KMT2D: variants seen among roughly 807,000 people sequenced by gnomAD.
KMT2D encodes histone-lysine N-methyltransferase 2D.
Under a neutral mutation model 512.7 loss-of-function variants are expected in KMT2D, and 55 were observed. The observed-to-expected ratio is 0.11, with a 90% CI of 0.09 to 0.13. KMT2D has a LOEUF of 0.13. Among genes scored for constraint, KMT2D ranks in the 10% least tolerant of loss-of-function variants. KMT2D has a pLI of 1.00. For synonymous variants in KMT2D, 2,995 were observed against 2,904.0 expected (o/e 1.03, Z -1.01); for missense variants, 6,061 against 7,127.9 (o/e 0.85, Z 5.39).
rs902517120 is a variant in KMT2D, at chr12:49,019,606, C to G, written c.*2174G>C. The G allele has an allele frequency of 4.4e-6, 1 of 229,738 alleles. No homozygotes were observed. The highest frequency in any genetic ancestry group is 8.6e-6 in the Non-Finnish European group (1 of 115,664). 14.2% of individuals were successfully genotyped at this position (229,738 alleles called of 1,614,324 possible). A position where few individuals can be genotyped will look rare whatever the true frequency, so the allele number is the denominator to read the frequency against. The stretch of plus-strand genomic sequence containing the variant: ...CCCAAGCCCCAAACACAGCCTGACT[C>G]ACGGGAGCCAATCTCCCCCTCCCTG... On this transcript the variant is annotated 3_prime_UTR_variant, in exon 55 of 55. Transcript: ENST00000301067.
At position 49,037,849 on chromosome 12, in the gene KMT2D, G is replaced by A; in HGVS notation, c.9507C>T (p.Gly3169=). The A allele has an allele frequency of 6.3e-7, 1 of 1,596,148 alleles. No homozygotes were observed. ...SMMGSRDTRM[G]TGPFSSSGHT... ...GCCCACTGCTAGAAAATGGCCCTGT[G>A]CCCATCCGGGTATCCCGGCTGCCCA... The change falls in exon 35 of 55, where the codon GGC becomes GGT. Residue 3169 remains glycine, a synonymous_variant. Coordinates refer to ENST00000301067, the MANE Select transcript of KMT2D (RefSeq NM_003482.4).
rs374923646 is a variant in KMT2D at position 49,051,460 on chromosome 12, C to A, written c.2223G>T (p.Pro741=). 1 of 1,612,800 alleles carries A rather than the reference C, an allele frequency of 6.2e-7. No individual in the cohort carries two copies. The highest frequency in any genetic ancestry group is 8.5e-7 in the Non-Finnish European group (1 of 1,179,498). Residue 741 remains proline (P), a synonymous_variant, in exon 11 of 55, where the codon CCG becomes CCT. Coordinates refer to ENST00000301067, the MANE Select transcript of KMT2D (RefSeq NM_003482.4). ...EPQLCPRSEG[P]HLSPRPEEPH... is the part of the protein sequence containing the mutation. Reference sequence around the variant, plus strand: ...GCTCCTCAGGCCGGGGTGACAGGTGCGGCCCCTCGGACCGGGGGCAGAGTT... The same window carrying A: ...GCTCCTCAGGCCGGGGTGACAGGTGAGGCCCCTCGGACCGGGGGCAGAGTT...
rs772023360 is a variant in KMT2D, at chr12:49,030,937, C to T, written c.13627G>A (p.Asp4543Asn). The change falls in exon 41 of 55, where the codon GAC (aspartate) becomes AAC (asparagine). Residue 4543 changes from aspartate (D) to asparagine (N), a missense_variant. Asp to Asn is a conservative substitution (Grantham distance 23). Coordinates refer to ENST00000301067, the MANE Select transcript of KMT2D (RefSeq NM_003482.4). ...AAGGCCTCGCTGGCCCTGACCCCGT[C>T]CTCCTTCCGCAGCTTCTTTCGGGAG... ...VSSRKKLRKE[D>N]GVRASEALLK... is the part of the protein sequence containing the mutation. 6.2e-7 allele frequency: 1 copy of T among 1,614,004 alleles called. No homozygotes were observed. Among genetic ancestry groups the T allele is most frequent in the South Asian group, 1.1e-5 (1 of 91,074 alleles).
chr12:49,032,024 C>T lies in KMT2D; in HGVS notation c.12681G>A (p.Met4227Ile). Residue 4227 changes from methionine to isoleucine, a missense_variant, in exon 40 of 55, where the codon ATG becomes ATA. Transcript: ENST00000301067. ...CCTGACTCTGCTGCAGCTGCCGCTG[C>T]ATGAGGAGTGCCTGTAGCTGCTGCT... ...QQQQQLQALL[M>I]QRQLQQSQAV... 1 of 1,611,072 alleles carries T rather than the reference C, an allele frequency of 6.2e-7. No individual in the cohort carries two copies. Among genetic ancestry groups the T allele is most frequent in the Non-Finnish European group, 8.5e-7 (1 of 1,177,992 alleles).
Position 49,050,275 on chromosome 12 carries a change from C to T in KMT2D, c.3313G>A (p.Ala1105Thr), listed in dbSNP as rs751231330. ...PSPMGDLSCP[A>T]PSPAPALDDF... ...TCCAGGGCTGGGGCAGGGCTGGGGG[C>T]GGGGCAGGAAAGGTCCCCCATTGGG... is the stretch of plus-strand genomic sequence containing the variant. The change falls in exon 12 of 55, where the codon GCC (alanine) becomes ACC (threonine). Residue 1105 changes from alanine to threonine, a missense_variant. Physicochemically the swap from Ala to Thr is moderately conservative, Grantham distance 58. Transcript: ENST00000301067. 1.2e-6 allele frequency: 2 copies of T among 1,610,904 alleles called. No individual in the cohort carries two copies. Among genetic ancestry groups the T allele is most frequent in the Non-Finnish European group, 8.5e-7 (1 of 1,178,594 alleles).
At position 49,049,105 on chromosome 12, in the gene KMT2D, T is replaced by G. The variant is rs376168954; in HGVS notation, c.4020A>C (p.Val1340=). The G allele has an allele frequency of 1.3e-6, 2 of 1,589,106 alleles. No homozygotes were observed. Among genetic ancestry groups the G allele is most frequent in the South Asian group, 1.1e-5 (1 of 89,612 alleles). Residue 1340 remains valine (V), a splice_region_variant and synonymous_variant, in exon 13 of 55, where the codon GTA becomes GTC. Transcript: ENST00000301067. Reference sequence around the variant, plus strand: ...GGAGGAATAGGAGGCATCTCCTTACTACCAGAGTCTCAATGGAAGAAGCAG... The same window carrying G: ...GGAGGAATAGGAGGCATCTCCTTACGACCAGAGTCTCAATGGAAGAAGCAG... The part of the protein sequence containing the change: ...KSTASSIETL[V]VADIDSSPSK...
At position 49,048,866 on chromosome 12, in the gene KMT2D, G is replaced by C. The variant is rs983460720; in HGVS notation, c.4021-97C>G. On this transcript the variant is annotated intron_variant, in intron 13 of 54. Coordinates refer to ENST00000301067, the MANE Select transcript of KMT2D (RefSeq NM_003482.4). ...TTGGGGGAAGAAAGTGTGAACCCTT[G>C]GTTAAGATGAAGGCCAAAAGCCAGG... The C allele has an allele frequency of 1.0e-5, 9 of 863,296 alleles. No individual in the cohort carries two copies. In the African/African-American group the frequency reaches 1.5e-4, roughly 14 times the overall value. 53.5% of individuals were successfully genotyped at this position (863,296 alleles called of 1,614,324 possible).
chr12:49,042,341 G>A lies in KMT2D; in HGVS notation c.5868-11C>T. On this transcript the variant is annotated splice_polypyrimidine_tract_variant and intron_variant, in intron 28 of 54. Coordinates refer to ENST00000301067, the MANE Select transcript of KMT2D (RefSeq NM_003482.4). The surrounding 1 kb of genome is among the most constrained non-coding windows in gnomAD (Gnocchi z 4.4). Reference sequence around the variant, plus strand: ...AAGCCCCCGCGCTCCCTGGGGCGCAGGGGCAGAGAGTCACAGGGCGCAGGG... The same window carrying A: ...AAGCCCCCGCGCTCCCTGGGGCGCAAGGGCAGAGAGTCACAGGGCGCAGGG... 6.6e-7 allele frequency: 1 copy of A among 1,515,370 alleles called. No homozygotes were observed. 93.9% of individuals were successfully genotyped at this position (1,515,370 alleles called of 1,614,324 possible). A position where few individuals can be genotyped will look rare whatever the true frequency, so the allele number is the denominator to read the frequency against.
At position 49,019,872 on chromosome 12, in the gene KMT2D, A is replaced by C; in HGVS notation, c.*1908T>G. 1 of 195,122 alleles carries C rather than the reference A, an allele frequency of 5.1e-6. No homozygotes were observed. Among genetic ancestry groups the C allele is most frequent in the Non-Finnish European group, 1.1e-5 (1 of 95,072 alleles). 12.1% of individuals were successfully genotyped at this position (195,122 alleles called of 1,614,324 possible). On this transcript the variant is annotated 3_prime_UTR_variant, in exon 55 of 55. Coordinates refer to ENST00000301067, the MANE Select transcript of KMT2D (RefSeq NM_003482.4). Reference sequence around the variant, plus strand: ...AAAACAAAACAAAAACAAACCTAAAATCACAACAGCGACCAAGCTCCCCCT... The same window carrying C: ...AAAACAAAACAAAAACAAACCTAAACTCACAACAGCGACCAAGCTCCCCCT...
chr12:49,027,715 A>G, intron 48 of KMT2D, 88 bp downstream of exon 48: 2 of 1,492,136 alleles, frequency 1.3e-6, no homozygotes, highest in Non-Finnish European at 1.8e-6. Context: ...TTGCCTCCCA[A>G]AGCACTGGGA....
Position 49,060,047 on chromosome 12 carries a change from G to A in KMT2D, c.-472C>T, listed in dbSNP as rs1433329564. Among the ~76,000 whole-genome samples, 1 of 151,538 alleles carries A rather than the reference G, an allele frequency of 6.6e-6. No homozygotes were observed. The highest frequency in any genetic ancestry group is 1.5e-5 in the Non-Finnish European group (1 of 67,788). On this transcript the variant is annotated 5_prime_UTR_variant, in exon 1 of 55. Coordinates refer to ENST00000301067, the MANE Select transcript of KMT2D (RefSeq NM_003482.4). ...GAGGCGCCTCCCCAGCAGCCCGGAA[G>A]GAATGCCGCGCCGCCCCGCGCCTGG... is the stretch of plus-strand genomic sequence containing the variant.
In KMT2D at chr12:49,051,918, G is replaced by C; in HGVS notation, c.1765C>G (p.Pro589Ala). ...SPMSPPPEES[P>A]MSPPPEASRL... The stretch of plus-strand genomic sequence containing the variant: ...GATGCCTCCGGTGGTGGAGACATGG[G>C]TGACTCTTCAGGTGGAGGGGACATG... Residue 589 changes from proline (P) to alanine (A), a missense_variant, in exon 11 of 55, where the codon CCC (proline) becomes GCC (alanine). Coordinates refer to ENST00000301067, the MANE Select transcript of KMT2D (RefSeq NM_003482.4). 1 of 1,613,518 alleles carries C rather than the reference G, an allele frequency of 6.2e-7. No individual in the cohort carries two copies. The highest frequency in any genetic ancestry group is 8.5e-7 in the Non-Finnish European group (1 of 1,179,716).
rs1942902086 is a variant in KMT2D, at chr12:49,031,377, G to A, written c.13328C>T (p.Pro4443Leu). The change falls in exon 40 of 55, where the codon CCA becomes CTA. Residue 4443 changes from proline (P) to leucine (L), a missense_variant. Physicochemically the swap from Pro to Leu is moderately conservative, Grantham distance 98 (BLOSUM62 -3). Transcript: ENST00000301067. The part of the protein sequence containing the change: ...REANGEPIGA[P>L]GTSNHLLLAG... Reference sequence around the variant, plus strand: ...CAGCAGGAGGTGGTTGCTGGTTCCTGGTGCCCCTATTGGCTCCCCATTGGC... The same window carrying A: ...CAGCAGGAGGTGGTTGCTGGTTCCTAGTGCCCCTATTGGCTCCCCATTGGC... 1.2e-6 allele frequency: 2 copies of A among 1,613,450 alleles called. No homozygotes were observed. The highest frequency in any genetic ancestry group is 3.3e-5 in the Admixed American group (2 of 60,006).
Position 49,025,907 on chromosome 12 carries a change from G to T in KMT2D, c.15784+275C>A, listed in dbSNP as rs114640737. 0.013 allele frequency among the ~76,000 whole-genome samples: 2,016 copies of T among 152,316 alleles called. 39 individuals are homozygous for T. The highest frequency in any genetic ancestry group is 0.046 in the African/African-American group (1,899 of 41,554). Reference sequence around the variant, plus strand: ...TTGGGTGAGGCAGATGATAGTCTCAGAACTGTTTCCTTTTGTTCCACTGGG... The same window carrying T: ...TTGGGTGAGGCAGATGATAGTCTCATAACTGTTTCCTTTTGTTCCACTGGG... On this transcript the variant is annotated intron_variant, in intron 49 of 54. Coordinates refer to ENST00000301067, the MANE Select transcript of KMT2D (RefSeq NM_003482.4).
chr12:49,043,254 G>T, intron 25 of KMT2D, 68 bp from the exon 26 acceptor site: 2 of 1,548,376 alleles, frequency 1.3e-6, no homozygotes, highest in East Asian at 2.2e-5. Flanking sequence ...AACCACAGAG[G>T]GCCATGGGAC....
At position 49,044,346 on chromosome 12, in the gene KMT2D, C is replaced by A; in HGVS notation, c.5084-42G>T. 1 of 1,613,654 alleles carries A rather than the reference C, an allele frequency of 6.2e-7. No homozygotes were observed. Among genetic ancestry groups the A allele is most frequent in the Non-Finnish European group, 8.5e-7 (1 of 1,179,690 alleles). On this transcript the variant is annotated intron_variant, in intron 21 of 54. Coordinates refer to ENST00000301067, the MANE Select transcript of KMT2D (RefSeq NM_003482.4). This position sits in a 1 kb window ranked among gnomAD's most constrained non-coding sequence, Gnocchi z 6.4. ...TTGTGGATGAGAAGCCGCTGGGGGA[C>A]CTATTGAGCTGCCCCGCACCACCCC... is the stretch of plus-strand genomic sequence containing the variant.
rs1388141417 is a variant in KMT2D at position 49,033,700 on chromosome 12, C to G, written c.11005G>C (p.Gly3669Arg). 6.2e-7 allele frequency: 1 copy of G among 1,613,562 alleles called. No homozygotes were observed. The highest frequency in any genetic ancestry group is 8.5e-7 in the Non-Finnish European group (1 of 1,179,884). The change falls in exon 40 of 55, where the codon GGT becomes CGT. Residue 3669 changes from glycine to arginine, a missense_variant. Gly to Arg is a moderately radical substitution (Grantham distance 125). Transcript: ENST00000301067. ...AGAGCTGTATTAAGGAAGGGGCCAC[C>G]AGGCTGTCCAGGTAGTGCCATACCC... ...PGGMALPGQPGGPFLNTALAQ... is the reference protein window; with the variant it reads ...PGGMALPGQPRGPFLNTALAQ...
rs964331326 is a variant in KMT2D at position 49,041,833 on chromosome 12, A to T, written c.6183+84T>A. The T allele has an allele frequency of 2.7e-5, 41 of 1,519,680 alleles. No homozygotes were observed. The highest frequency in any genetic ancestry group is 3.6e-5 in the Non-Finnish European group (40 of 1,116,078). The allele number at this position is 1,519,680 out of a possible 1,614,324, so 94.1% of individuals were successfully genotyped here. On this transcript the variant is annotated intron_variant, in intron 30 of 54. Coordinates refer to ENST00000301067, the MANE Select transcript of KMT2D (RefSeq NM_003482.4). The surrounding 1 kb of genome is among the most constrained non-coding windows in gnomAD (Gnocchi z 5.4). ...TGGCCCAGCTGCTTTAGGAGTGGGGAGCGGAAAGAACTGAGGTAAATTACC... is the reference window on the plus strand; with the variant it reads ...TGGCCCAGCTGCTTTAGGAGTGGGGTGCGGAAAGAACTGAGGTAAATTACC...
rs369959158 is a variant in KMT2D at position 49,037,627 on chromosome 12, G to T, written c.9729C>A (p.Ser3243Arg). The stretch of plus-strand genomic sequence containing the variant: ...GGTCCTCAATGAGCAGGGGTAACTC[G>T]CTGGCTACCAGTGAGCTCTCCATCT... ...LDKMESSLVA[S>R]ELPLLIEDLL... is the part of the protein sequence containing the mutation. Residue 3243 changes from serine (S) to arginine (R), a missense_variant, in exon 35 of 55, where the codon AGC (serine) becomes AGA (arginine). This residue lies in a region of KMT2D where 533 missense variants were observed against 539.6 expected (regional missense o/e 0.99). Transcript: ENST00000301067. 6.4e-7 allele frequency: 1 copy of T among 1,565,312 alleles called. No homozygotes were observed. The highest frequency in any genetic ancestry group is 8.7e-7 in the Non-Finnish European group (1 of 1,154,688).
Sources: gnomAD v4.1 joint callset for allele counts (sites outside exome capture counted in the v4.1 genomes callset) on GRCh38, gnomAD v4.1.1 for gene constraint, gnomAD v4.1.1 regional missense constraint, Gnocchi (gnomAD v3.1) non-coding constraint, MANE v1.5 for transcripts, NCBI Gene and HGNC (gene_info 2026-07-23, HGNC 2026-07-21) for gene names.